MTUS2: variants seen among roughly 807,000 people sequenced by gnomAD.
MTUS2 encodes microtubule-associated tumor suppressor candidate 2.
MTUS2 carries 40 observed loss-of-function variants against 114.1 expected under a neutral mutation model. The observed-to-expected ratio is 0.35, with a 90% CI of 0.27 to 0.46. The LOEUF (loss-of-function observed/expected upper bound fraction) is 0.46. MTUS2 is among the 20% of genes least tolerant of loss of function. The probability of loss-of-function intolerance (pLI) is 1.00; values close to 1 mark genes in which losing one functional copy is unlikely to be tolerated. For missense variants in MTUS2, 1,679 were observed against 1,705.4 expected (o/e 0.98, Z 0.27); for synonymous variants, 688 against 672.0 (o/e 1.02, Z -0.37).
At chr13:29,021,038 A>G (rs913790581) in intron 2 of MTUS2, among the ~76,000 whole-genome samples, 3 of 152,224 alleles carry the variant, frequency 2.0e-5, no homozygotes, top group Non-Finnish European at 4.4e-5. Context: ...AGGCCAAGAT[A>G]GGAGGATCAC....
chr13:28,998,837 C>G (rs1885245588), intron 2 of MTUS2, among the ~76,000 whole-genome samples: 1 of 152,162 alleles, frequency 6.6e-6, no homozygotes, highest in African/African-American at 2.4e-5. Context: ...TTGGTTCGAA[C>G]TTCCTCCTTT....
In MTUS2 at chr13:29,026,867, T is replaced by G. The variant is rs749492389; in HGVS notation, c.2169T>G (p.His723Gln). ...LMVSGIKPPG[H>Q]PFSQMSEKFL... ...TGTCTGGAATCAAGCCCCCGGGACA[T>G]CCTTTCAGTCAAATGAGTGAAAAGT... Residue 723 changes from histidine to glutamine, a missense_variant, in exon 3 of 16, where the codon CAT (histidine) becomes CAG (glutamine). Physicochemically the swap from His to Gln is conservative, Grantham distance 24. Transcript: ENST00000612955. The G allele has an allele frequency of 1.0e-5, 16 of 1,601,444 alleles. No individual in the cohort carries two copies. Among genetic ancestry groups the G allele is most frequent in the Non-Finnish European group, 1.1e-5 (13 of 1,178,932 alleles).
At chr13:28,946,120 C>CT (rs1477841751) in intron 2 of MTUS2, among the ~76,000 whole-genome samples, 2 of 152,138 alleles carry the variant, frequency 1.3e-5, no homozygotes, top group African/African-American at 4.8e-5. Context: ...TAAGTATTAG[C>CT]TATAGGAAAA....
intron 2 of MTUS2, among the ~76,000 whole-genome samples, chr13:28,905,533 T>G (rs1879943471): frequency 6.6e-6 from 1 of 151,640 alleles, no homozygotes; most frequent in East Asian, 1.9e-4. Context: ...TGTCTTTGGT[T>G]CTGTTTATAT....
chr13:29,338,887 C>T (rs922580381), intron 7 of MTUS2, among the ~76,000 whole-genome samples: 10 of 152,150 alleles, frequency 6.6e-5, no homozygotes, highest in Admixed American at 6.5e-4. Flanking sequence ...GTTTTGAGAG[C>T]AACACGGTCT....
chr13:29,463,925 C>G (rs1879701018), intron 9 of MTUS2, among the ~76,000 whole-genome samples: 1 of 152,176 alleles, frequency 6.6e-6, no homozygotes, highest in Admixed American at 6.5e-5. Flanking sequence ...ACCTGGGAGG[C>G]AGAGGTTGCA....
chr13:29,071,236 G>A (rs997884839), intron 4 of MTUS2, among the ~76,000 whole-genome samples: 17 of 150,118 alleles, frequency 1.1e-4, no homozygotes, highest in African/African-American at 2.5e-4. Context: ...TCCTGACCTC[G>A]TGATCCTCCC....
intron 2 of MTUS2, among the ~76,000 whole-genome samples, chr13:28,954,083 A>C (rs1390108581): frequency 6.6e-6 from 1 of 152,242 alleles, no homozygotes; most frequent in Non-Finnish European, 1.5e-5. Context: ...TTCTGTTGTT[A>C]AAAGAGTAGT....
In MTUS2 at chr13:29,505,928, A is replaced by G. The variant is rs1378356185; in HGVS notation, c.*2722A>G. On this transcript the variant is annotated 3_prime_UTR_variant, in exon 16 of 16. Coordinates refer to ENST00000612955, the MANE Select transcript of MTUS2 (RefSeq NM_001033602.4). ...TTGTGTTTAAAGCCTATTAAAATAA[A>G]CTTGAGGGACTTTCTGCGATATCTA... 1 of 212,648 alleles carries G rather than the reference A, an allele frequency of 4.7e-6. No individual in the cohort carries two copies. Among genetic ancestry groups the G allele is most frequent in the African/African-American group, 2.3e-5 (1 of 44,120 alleles). 13.2% of individuals were successfully genotyped at this position (212,648 alleles called of 1,614,324 possible).
intron 4 of MTUS2, among the ~76,000 whole-genome samples, chr13:29,065,775 A>G (rs1426547079): frequency 6.6e-6 from 1 of 152,204 alleles, no homozygotes; most frequent in Non-Finnish European, 1.5e-5. Context: ...TACTTAATCT[A>G]TACCTCTCTT....
At chr13:29,420,628 C>T (rs1279630032) in intron 8 of MTUS2, among the ~76,000 whole-genome samples, 10 of 152,232 alleles carry the variant, frequency 6.6e-5, no homozygotes. Context: ...TGATATTCAG[C>T]TTATGGTTCA....
At chr13:29,197,143 C>G (rs1436282015) in intron 5 of MTUS2, among the ~76,000 whole-genome samples, 3 of 152,056 alleles carry the variant, frequency 2.0e-5, no homozygotes, top group Non-Finnish European at 4.4e-5. Flanking sequence ...TGGTGGTTTG[C>G]CGCACCCATC....
At position 28,894,960 on chromosome 13, in the gene MTUS2, A is replaced by G. The variant is rs1463254997; in HGVS notation, c.-243+55110A>G. 7.2e-5 allele frequency among the ~76,000 whole-genome samples: 11 copies of G among 152,382 alleles called. No individual in the cohort carries two copies. The Middle Eastern group carries it at 0.01, about 141-fold the overall frequency. ...ATCAATTTTGGGGACCACAGTAGCA[A>G]TAAAAGAAGTACGTAAGATGAAACA... On this transcript the variant is annotated intron_variant, in intron 2 of 15. Transcript: ENST00000612955.
In MTUS2 at chr13:29,344,336, T is replaced by C. The variant is rs1433879388; in HGVS notation, c.2906-14926T>C. ...TTTTATAAATTTGGGAGCTCCAGTG[T>C]TAGGTGTATATACATTTAGGGTTGT... is the stretch of plus-strand genomic sequence containing the variant. On this transcript the variant is annotated intron_variant, in intron 7 of 15. Coordinates refer to ENST00000612955, the MANE Select transcript of MTUS2 (RefSeq NM_001033602.4). Among the ~76,000 whole-genome samples, 2 of 152,146 alleles carry C rather than the reference T, an allele frequency of 1.3e-5. 1 individual carries two copies. The highest frequency in any genetic ancestry group is 4.8e-5 in the African/African-American group (2 of 41,448).
intron 5 of MTUS2, among the ~76,000 whole-genome samples, chr13:29,134,621 CAG>C (rs1891899255): frequency 6.6e-6 from 1 of 151,952 alleles, no homozygotes; most frequent in South Asian, 2.1e-4. Flanking sequence ...TTTTTTGAGA[CAG>C]TTTCACTGTT....
intron 4 of MTUS2, among the ~76,000 whole-genome samples, chr13:29,066,762 G>T (rs116537166): frequency 2.6e-5 from 4 of 152,140 alleles, no homozygotes; most frequent in Admixed American, 1.3e-4. Flanking sequence ...TAACTTAATG[G>T]GTATATAAAG....
At chr13:29,326,614 A>G (rs1235330248) in intron 7 of MTUS2, among the ~76,000 whole-genome samples, 1 of 152,168 alleles carries the variant, frequency 6.6e-6, no homozygotes, top group Non-Finnish European at 1.5e-5. Flanking sequence ...AGAATACAAT[A>G]AGATATTAGA....
chr13:29,435,004 G>T (rs1452756626), intron 8 of MTUS2, among the ~76,000 whole-genome samples: 1 of 152,232 alleles, frequency 6.6e-6, no homozygotes, highest in Non-Finnish European at 1.5e-5. Context: ...TACAGGGAGT[G>T]AGTTGGATGT....
At chr13:29,115,764 T>C (rs1279332713) in intron 5 of MTUS2, among the ~76,000 whole-genome samples, 2 of 152,222 alleles carry the variant, frequency 1.3e-5, no homozygotes, top group Admixed American at 6.5e-5. Context: ...ACTAACTGGC[T>C]GGGTGGCCGT....
Sources: gnomAD v4.1 joint callset for allele counts (sites outside exome capture counted in the v4.1 genomes callset) on GRCh38, gnomAD v4.1.1 for gene constraint, MANE v1.5 for transcripts, NCBI Gene and HGNC (gene_info 2026-07-23, HGNC 2026-07-21) for gene names.